The following NRG3 variants were observed in gnomAD, a reference collection of about 807,000 sequenced individuals.
The protein encoded by NRG3 is pro-neuregulin-3, membrane-bound isoform.
NRG3 carries 31 observed loss-of-function variants against 66.9 expected under a neutral mutation model. That is an observed-to-expected ratio of 0.46 (90% CI 0.35 to 0.63). The LOEUF (loss-of-function observed/expected upper bound fraction) is 0.63, where lower values mean the gene tolerates loss of function less well. Among genes scored for constraint, NRG3 ranks in the 20% least tolerant of loss-of-function variants. NRG3 has a pLI of 0.00. For synonymous variants in NRG3, 393 were observed against 359.4 expected (o/e 1.09, Z -1.06); for missense variants, 910 against 878.9 (o/e 1.04, Z -0.45).
intron 6 of NRG3, among the ~76,000 whole-genome samples, chr10:82,960,982 G>T (rs1026506929): frequency 6.6e-6 from 1 of 152,134 alleles, no homozygotes; most frequent in Admixed American, 6.6e-5. Context: ...CTGTTTGGTG[G>T]TCTCTTCACA....
At chr10:82,588,984 C>T (rs1470229388) in intron 2 of NRG3, among the ~76,000 whole-genome samples, 1 of 152,068 alleles carries the variant, frequency 6.6e-6, no homozygotes, top group East Asian at 1.9e-4. Context: ...CAGATGTTGA[C>T]CAGTAATTAA....
At chr10:82,750,425 A>G (rs1323005320) in intron 3 of NRG3, among the ~76,000 whole-genome samples, 1 of 152,172 alleles carries the variant, frequency 6.6e-6, no homozygotes, top group Non-Finnish European at 1.5e-5. Flanking sequence ...GTGGATTAAG[A>G]ACACAAACAG....
intron 8 of NRG3, among the ~76,000 whole-genome samples, chr10:82,980,563 C>G (rs1020043373): frequency 5.3e-5 from 8 of 152,286 alleles, no homozygotes; most frequent in African/African-American, 1.9e-4. Context: ...CGGGTTACGT[C>G]TAGCACAGAG....
intron 1 of NRG3, among the ~76,000 whole-genome samples, chr10:82,215,963 C>CTTTTTTTTTTTTTTTTTTTTT (rs71894841): frequency 1.1e-5 from 1 of 89,722 alleles, no homozygotes; most frequent in Non-Finnish European, 2.1e-5. Context: ...TTATGTTTTC[C>CTTTTTTTTTTTTTTTTTTTTT]TTTTTTTTTT....
intron 1 of NRG3, among the ~76,000 whole-genome samples, chr10:82,244,814 A>G (rs774931315): frequency 2.8e-4 from 43 of 152,072 alleles, no homozygotes; most frequent in African/African-American, 8.5e-4. Flanking sequence ...GCTCACTGCA[A>G]CTGCCGCCTC....
intron 4 of NRG3, among the ~76,000 whole-genome samples, chr10:82,935,968 A>C (rs185628824): frequency 6.6e-6 from 1 of 152,152 alleles, no homozygotes; most frequent in African/African-American, 2.4e-5. Flanking sequence ...TTGGTATTAG[A>C]TGTCAGTTTA....
At chr10:82,072,531 A>G (rs1008369083) in intron 1 of NRG3, among the ~76,000 whole-genome samples, 6 of 152,174 alleles carry the variant, frequency 3.9e-5, no homozygotes, top group Non-Finnish European at 8.8e-5. Flanking sequence ...TGTTTTGAGA[A>G]AGTGCTTCTA....
At chr10:82,711,895 C>T (rs1013975306) in intron 2 of NRG3, among the ~76,000 whole-genome samples, 3 of 152,126 alleles carry the variant, frequency 2.0e-5, no homozygotes, top group African/African-American at 7.2e-5. Context: ...ATCACACACA[C>T]CTGCAGACAC....
intron 1 of NRG3, among the ~76,000 whole-genome samples, chr10:81,921,334 CTTCA>C (rs137996718): frequency 0.01 from 1,557 of 152,014 alleles, 17 homozygotes; most frequent in Admixed American, 0.023. Context: ...GGTATTTATA[CTTCA>C]TTATCTTATT....
Position 81,917,048 on chromosome 10 carries a change from C to A in NRG3, c.823+40885C>A, listed in dbSNP as rs535408754. Among the ~76,000 whole-genome samples, 17 of 152,234 alleles carry A rather than the reference C, an allele frequency of 1.1e-4. No individual in the cohort carries two copies. In the South Asian group the frequency reaches 3.1e-3, roughly 28 times the overall value. On this transcript the variant is annotated intron_variant, in intron 1 of 8. Transcript: ENST00000372141. ...AAACATATAATTTTAGCTTATAATT[C>A]TCTTCAAATTAGACAATACCATGGC...
chr10:82,185,999 C>A (rs1714143149), intron 1 of NRG3, among the ~76,000 whole-genome samples: 3 of 152,092 alleles, frequency 2.0e-5, no homozygotes, highest in Admixed American at 2.0e-4. Context: ...TTGTGCATAT[C>A]TCTAGTTCTG....
chr10:82,694,612 G>A (rs1284538342), intron 2 of NRG3, among the ~76,000 whole-genome samples: 1 of 151,986 alleles, frequency 6.6e-6, no homozygotes, highest in African/African-American at 2.4e-5. Context: ...AAAATTATCT[G>A]GGTGTGGTGG....
intron 1 of NRG3, among the ~76,000 whole-genome samples, chr10:82,195,362 A>G (rs1346851642): frequency 6.6e-6 from 1 of 152,192 alleles, no homozygotes; most frequent in African/African-American, 2.4e-5. Flanking sequence ...CATACAAATA[A>G]TAAAAATCAT....
At chr10:82,179,520 T>C (rs917999165) in intron 1 of NRG3, among the ~76,000 whole-genome samples, 1 of 152,150 alleles carries the variant, frequency 6.6e-6, no homozygotes, top group South Asian at 2.1e-4. Context: ...TTCTCCATTA[T>C]GTTCTTGGCA....
intron 1 of NRG3, among the ~76,000 whole-genome samples, chr10:82,141,983 G>A (rs757909221): frequency 2.0e-5 from 3 of 152,062 alleles, no homozygotes; most frequent in Non-Finnish European, 4.4e-5. Flanking sequence ...CACATTTTAT[G>A]ATGCTTTATA....
intron 1 of NRG3, among the ~76,000 whole-genome samples, chr10:82,294,477 G>A (rs2079941897): frequency 6.6e-6 from 1 of 151,722 alleles, no homozygotes; most frequent in African/African-American, 2.4e-5. Flanking sequence ...GTGTGTGTTT[G>A]AAAGTTTGGC....
At chr10:82,052,075 CA>C (rs544591841) in intron 1 of NRG3, among the ~76,000 whole-genome samples, 44 of 149,240 alleles carry the variant, frequency 2.9e-4, no homozygotes, top group Non-Finnish European at 6.2e-4. Context: ...CATTTTCTGG[CA>C]ATGTATGACA....
intron 4 of NRG3, among the ~76,000 whole-genome samples, chr10:82,911,587 C>T (rs1845326144): frequency 6.6e-6 from 1 of 151,244 alleles, no homozygotes; most frequent in Non-Finnish European, 1.5e-5. Flanking sequence ...TAGCAATGAT[C>T]CTTCTTTCAT....
At chr10:81,934,675 A>G (rs1847699062) in intron 1 of NRG3, among the ~76,000 whole-genome samples, 2 of 152,172 alleles carry the variant, frequency 1.3e-5, no homozygotes, top group Admixed American at 1.3e-4. Flanking sequence ...AATTTTAAGT[A>G]AATTGGGTTT....
Sources: gnomAD v4.1 joint callset for allele counts (sites outside exome capture counted in the v4.1 genomes callset) on GRCh38, gnomAD v4.1.1 for gene constraint, MANE v1.5 for transcripts, NCBI Gene and HGNC (gene_info 2026-07-23, HGNC 2026-07-21) for gene names.